DLG2: variants seen among roughly 807,000 people sequenced by gnomAD.
The protein encoded by DLG2 is disks large homolog 2.
Under a neutral mutation model 132.5 loss-of-function variants are expected in DLG2, and 45 were observed. The ratio of observed to expected loss-of-function variants is 0.34; its 90% CI spans 0.27 to 0.44. DLG2 has a LOEUF of 0.44. Among genes scored for constraint, DLG2 ranks in the 20% least tolerant of loss-of-function variants. The probability of loss-of-function intolerance (pLI) is 1.00; values close to 1 mark genes in which losing one functional copy is unlikely to be tolerated. For missense variants in DLG2, 1,045 were observed against 1,196.9 expected (o/e 0.87, Z 1.87); for synonymous variants, 424 against 419.6 (o/e 1.01, Z -0.13).
intron 3 of DLG2, among the ~76,000 whole-genome samples, chr11:85,342,045 A>G (rs977595638): frequency 6.6e-6 from 1 of 152,202 alleles, no homozygotes; most frequent in African/African-American, 2.4e-5. Context: ...AGTGCATGTG[A>G]AGGCCTAGGA....
intron 3 of DLG2, among the ~76,000 whole-genome samples, chr11:85,392,813 A>T (rs1359929293): frequency 6.6e-6 from 1 of 152,144 alleles, no homozygotes; most frequent in Admixed American, 6.6e-5. Flanking sequence ...CTCACCTTAC[A>T]CAAAAATCAA....
At chr11:83,803,253 T>C (rs80037935) in intron 17 of DLG2, among the ~76,000 whole-genome samples, 2,042 of 152,252 alleles carry the variant, frequency 0.013, 56 homozygotes, top group African/African-American at 0.047. Flanking sequence ...CCTAAGTGAC[T>C]TAGAATCTAA....
At chr11:83,550,033 T>C (rs2096349626) in intron 19 of DLG2, among the ~76,000 whole-genome samples, 1 of 152,256 alleles carries the variant, frequency 6.6e-6, no homozygotes, top group Middle Eastern at 3.2e-3. Flanking sequence ...TTCTGTGGAT[T>C]GTATGACATG....
At chr11:85,486,068 G>C (rs2093421832) in intron 3 of DLG2, among the ~76,000 whole-genome samples, 1 of 152,146 alleles carries the variant, frequency 6.6e-6, no homozygotes, top group Non-Finnish European at 1.5e-5. Context: ...ATCTGAGAGG[G>C]GCCCAGCCTT....
At chr11:84,294,534 G>T (rs1599262603) in intron 7 of DLG2, among the ~76,000 whole-genome samples, 1 of 152,268 alleles carries the variant, frequency 6.6e-6, no homozygotes, top group Non-Finnish European at 1.5e-5. Context: ...GGAGGTGAAG[G>T]TTGCAGTGAG....
chr11:84,050,250 C>A lies in DLG2; in HGVS notation c.919+9065G>T, dbSNP rs1489900183. Among the ~76,000 whole-genome samples, 8 of 150,834 alleles carry A rather than the reference C, an allele frequency of 5.3e-5. No individual in the cohort carries two copies. The Admixed American group carries it at 5.3e-4, about 10-fold the overall frequency. On this transcript the variant is annotated intron_variant, in intron 11 of 27. Coordinates refer to ENST00000376104, the MANE Select transcript of DLG2 (RefSeq NM_001142699.3). ...TATGTGTTGGTATGGAAGGGAGGGA[C>A]CAGCAATGAAGCCTATTATAGTACG...
intron 3 of DLG2, among the ~76,000 whole-genome samples, chr11:85,553,910 T>G (rs1448892823): frequency 6.6e-5 from 10 of 151,256 alleles, no homozygotes. Context: ...CTGCTAAATA[T>G]TCATAGTTTA....
chr11:83,772,323 T>C (rs1439679878), intron 18 of DLG2, among the ~76,000 whole-genome samples: 1 of 151,344 alleles, frequency 6.6e-6, no homozygotes, highest in African/African-American at 2.4e-5. Context: ...GGTGGGAGGA[T>C]CCCTTGAGCC....
chr11:85,426,581 G>A (rs2090759496), intron 3 of DLG2, among the ~76,000 whole-genome samples: 1 of 152,110 alleles, frequency 6.6e-6, no homozygotes, highest in Non-Finnish European at 1.5e-5. Context: ...TTGTTAGAAG[G>A]AAAACTAACA....
chr11:84,728,082 T>G (rs539602586), intron 6 of DLG2, among the ~76,000 whole-genome samples: 58 of 152,284 alleles, frequency 3.8e-4, no homozygotes, highest in African/African-American at 1.4e-3. Flanking sequence ...ACCCTTTATT[T>G]CTTTATCTTG....
chr11:84,818,199 G>A (rs1165731361), intron 6 of DLG2, among the ~76,000 whole-genome samples: 2 of 151,976 alleles, frequency 1.3e-5, no homozygotes, highest in Non-Finnish European at 2.9e-5. Flanking sequence ...TGACTGGCAG[G>A]CATTCTGCCC....
At chr11:85,494,131 T>A (rs1256645883) in intron 3 of DLG2, among the ~76,000 whole-genome samples, 1 of 152,170 alleles carries the variant, frequency 6.6e-6, no homozygotes, top group African/African-American at 2.4e-5. Context: ...CTTAATTACC[T>A]CCCAAAGATT....
chr11:83,598,161 G>A (rs1012163361), intron 19 of DLG2, among the ~76,000 whole-genome samples: 1 of 152,188 alleles, frequency 6.6e-6, no homozygotes, highest in Non-Finnish European at 1.5e-5. Flanking sequence ...AGATGGCACA[G>A]GTTTAATTCT....
chr11:85,421,741 G>GT (rs1485180779), intron 3 of DLG2, among the ~76,000 whole-genome samples: 2 of 151,582 alleles, frequency 1.3e-5, no homozygotes. Flanking sequence ...TTTGTTTTTT[G>GT]TTTTTGTTTT....
intron 7 of DLG2, among the ~76,000 whole-genome samples, chr11:84,436,845 G>A (rs1440021764): frequency 1.3e-5 from 2 of 152,122 alleles, no homozygotes; most frequent in Non-Finnish European, 2.9e-5. Flanking sequence ...CTTGCTCATT[G>A]TGAACACTTT....
chr11:84,753,193 A>G (rs2066405927), intron 6 of DLG2, among the ~76,000 whole-genome samples: 1 of 152,222 alleles, frequency 6.6e-6, no homozygotes, highest in South Asian at 2.1e-4. Flanking sequence ...GCAAGAAAAC[A>G]GAGAAGAGAG....
At chr11:84,328,838 T>C (rs1012399997) in intron 7 of DLG2, among the ~76,000 whole-genome samples, 9 of 152,240 alleles carry the variant, frequency 5.9e-5, no homozygotes. Flanking sequence ...AGCCAGTACA[T>C]TTCCAATTCA....
At chr11:84,918,055 T>C (rs984846102) in intron 6 of DLG2, among the ~76,000 whole-genome samples, 3 of 152,150 alleles carry the variant, frequency 2.0e-5, no homozygotes, top group East Asian at 1.9e-4. Context: ...GGACACATCA[T>C]AGGATCTAGC....
intron 5 of DLG2, among the ~76,000 whole-genome samples, chr11:85,117,895 C>G (rs2073856503): frequency 6.6e-6 from 1 of 151,954 alleles, no homozygotes; most frequent in Non-Finnish European, 1.5e-5. Flanking sequence ...TACCCGTTTT[C>G]ATTTAGAGGG....
Sources: gnomAD v4.1 joint callset for allele counts (sites outside exome capture counted in the v4.1 genomes callset) on GRCh38, gnomAD v4.1.1 for gene constraint, MANE v1.5 for transcripts, NCBI Gene and HGNC (gene_info 2026-07-23, HGNC 2026-07-21) for gene names.